The following FARSA variants were observed in gnomAD, a reference collection of about 807,000 sequenced individuals.
FARSA encodes phenylalanyl-tRNA synthetase subunit alpha, also known as phenylalanine--tRNA ligase alpha subunit.
In FARSA, 37 loss-of-function variants were observed where a neutral mutation model predicts 63.2. The observed-to-expected ratio is 0.59, with a 90% CI of 0.45 to 0.77. The LOEUF (loss-of-function observed/expected upper bound fraction) is 0.77, where lower values mean the gene tolerates loss of function less well. Ranked by LOEUF, FARSA falls within the 30% of genes least tolerant of loss-of-function variation. The pLI is 0.00. For synonymous variants in FARSA, 312 were observed against 285.1 expected, an observed-to-expected ratio of 1.09 and a Z score of -0.95; for missense variants, 618 against 696.6, an observed-to-expected ratio of 0.89 and a Z score of 1.27.
chr19:12,925,911 G>A (rs1232538143), intron 7 of FARSA, among the ~76,000 whole-genome samples: 2 of 151,942 alleles, frequency 1.3e-5, no homozygotes, highest in African/African-American at 4.8e-5. Context: ...GACTTCAAGT[G>A]ATCCGCCTGC....
rs748424179 is a variant in FARSA at position 12,924,556 on chromosome 19, C to G, written c.1196-30G>C. On this transcript the variant is annotated intron_variant, in intron 10 of 12. Coordinates refer to ENST00000314606, the MANE Select transcript of FARSA (RefSeq NM_004461.3). This position sits in a 1 kb window ranked among gnomAD's most constrained non-coding sequence, Gnocchi z 6.4. ...AGGAAGTGGGGGGCGGGCAGGAGAG[C>G]AGGGGTTTGGAGGATAATGCTGGTG... The G allele has an allele frequency of 1.2e-6, 2 of 1,612,984 alleles. No homozygotes were observed. Among genetic ancestry groups the G allele is most frequent in the Admixed American group, 3.3e-5 (2 of 60,002 alleles).
intron 8 of FARSA, 33 bp downstream of exon 8, chr19:12,925,057 C>G (rs948436926): frequency 1.9e-6 from 3 of 1,612,578 alleles, no homozygotes; most frequent in African/African-American, 2.7e-5. Flanking sequence ...CCCCAGCCTC[C>G]TTCCCTTCCA....
chr19:12,926,344 T>C (rs1013595293), intron 7 of FARSA, among the ~76,000 whole-genome samples: 13 of 151,172 alleles, frequency 8.6e-5, no homozygotes, highest in African/African-American at 3.2e-4. Context: ...TGATCTCGGC[T>C]AACTGCCAGC....
chr19:12,930,462 CTT>C lies in FARSA; in HGVS notation c.349_350del (p.Lys117GlufsTer4), dbSNP rs1458826357. On this transcript the variant is annotated frameshift_variant, in exon 3 of 13. Transcript: ENST00000314606. LOFTEE classifies it high-confidence loss of function. ...AMSNKWIRVD[K>X]SAADGPRVFR... Reference sequence around the variant, plus strand: ...ACACCCGGGGCCCGTCAGCCGCACTCTTGTCCACCCGAATCCACTTGTTGGAC... The same window carrying C: ...ACACCCGGGGCCCGTCAGCCGCACTCGTCCACCCGAATCCACTTGTTGGAC... 6.2e-7 allele frequency: 1 copy of C among 1,614,108 alleles called. No homozygotes were observed. The highest frequency in any genetic ancestry group is 8.5e-7 in the Non-Finnish European group (1 of 1,180,034).
At position 12,924,910 on chromosome 19, in the gene FARSA, G is replaced by T; in HGVS notation, c.1020C>A (p.Ala340=). Residue 340 remains alanine, a synonymous_variant, in exon 9 of 13, where the codon GCC becomes GCA. Coordinates refer to ENST00000314606, the MANE Select transcript of FARSA (RefSeq NM_004461.3). This position sits in a 1 kb window ranked among gnomAD's most constrained non-coding sequence, Gnocchi z 6.4. ...CCGCCTGGGCCAACCGCACCTTCTG[G>T]GCAAGGCGGTAGAGCGCACGGGCGC... ...SASARALYRL[A]QKKPFTPVKY... is the part of the protein sequence containing the mutation. 6.2e-7 allele frequency: 1 copy of T among 1,614,248 alleles called. No homozygotes were observed. The highest frequency in any genetic ancestry group is 1.6e-4 in the Middle Eastern group (1 of 6,062).
Position 12,930,638 on chromosome 19 carries a change from C to T in FARSA, c.259G>A (p.Glu87Lys). ...EARVFRSIPP[E>K]GLAQSELMRL... ...ATAAGCTCGCTCTGGGCCAGGCCCT[C>T]TGGGGGAATGCTTCGAAACACACGG... is the stretch of plus-strand genomic sequence containing the variant. The change falls in exon 2 of 13, where the codon GAG becomes AAG. Residue 87 changes from glutamate (E) to lysine (K), a missense_variant. Glu to Lys is a moderately conservative substitution (Grantham distance 56). Transcript: ENST00000314606. 1.2e-6 allele frequency: 2 copies of T among 1,613,130 alleles called. No homozygotes were observed. Among genetic ancestry groups the T allele is most frequent in the Non-Finnish European group, 1.7e-6 (2 of 1,179,360 alleles).
rs1205934156 is a variant in FARSA, at chr19:12,933,362, T to C, written c.147+188A>G. The C allele has an allele frequency of 1.7e-5, 11 of 638,096 alleles. No homozygotes were observed. The South Asian group carries it at 1.9e-4, about 11-fold the overall frequency. 39.5% of individuals were successfully genotyped at this position (638,096 alleles called of 1,614,324 possible). On this transcript the variant is annotated intron_variant, in intron 1 of 12. Coordinates refer to ENST00000314606, the MANE Select transcript of FARSA (RefSeq NM_004461.3). Reference sequence around the variant, plus strand: ...CTGACCGTGCCTCAATAAACGTTTATTGCATGAGGAACATCCGTGCGTCTG... The same window carrying C: ...CTGACCGTGCCTCAATAAACGTTTACTGCATGAGGAACATCCGTGCGTCTG...
chr19:12,924,812 G>C lies in FARSA; in HGVS notation c.1027-5C>G. The C allele has an allele frequency of 6.2e-7, 1 of 1,610,372 alleles. No homozygotes were observed. The highest frequency in any genetic ancestry group is 8.5e-7 in the Non-Finnish European group (1 of 1,177,398). On this transcript the variant is annotated splice_region_variant and splice_polypyrimidine_tract_variant and intron_variant, in intron 9 of 12. Coordinates refer to ENST00000314606, the MANE Select transcript of FARSA (RefSeq NM_004461.3). The surrounding 1 kb of genome is among the most constrained non-coding windows in gnomAD (Gnocchi z 6.4). The stretch of plus-strand genomic sequence containing the variant: ...CTTGACCGGAGTGAAGGGCTTCTAG[G>C]GGTGACAACCGAGCCAGGCCCAGGT...
chr19:12,925,152 G>A lies in FARSA; in HGVS notation c.864C>T (p.Leu288=), dbSNP rs1209397895. ...FLRDPAEALQ[L]PMDYVQRVKR... ...TGACCCGCTGGACATAGTCCATTGGGAGCTGCAGGGCCTCCGCTGGATCTG... is the reference window on the plus strand; with the variant it reads ...TGACCCGCTGGACATAGTCCATTGGAAGCTGCAGGGCCTCCGCTGGATCTG... The change falls in exon 8 of 13, where the codon CTC becomes CTT. Residue 288 remains leucine, a synonymous_variant. Transcript: ENST00000314606. 33 of 1,600,008 alleles carry A rather than the reference G, an allele frequency of 2.1e-5. No individual in the cohort carries two copies. Among genetic ancestry groups the A allele is most frequent in the Non-Finnish European group, 2.8e-5 (33 of 1,174,222 alleles).
rs1971351479 is a variant in FARSA, at chr19:12,928,418, G to A, written c.765C>T (p.Ser255=). The change falls in exon 7 of 13, where the codon TCC becomes TCT. Residue 255 remains serine, a synonymous_variant. Coordinates refer to ENST00000314606, the MANE Select transcript of FARSA (RefSeq NM_004461.3). Reference sequence around the variant, plus strand: ...GGAAGAGGGCGTCAAAGTTCCAGAAGGAGCTCTCAATGAAGTTATCAGTCG... The same window carrying A: ...GGAAGAGGGCGTCAAAGTTCCAGAAAGAGCTCTCAATGAAGTTATCAGTCG... The part of the protein sequence containing the change: ...EMPTDNFIES[S]FWNFDALFQP... 1 of 1,614,162 alleles carries A rather than the reference G, an allele frequency of 6.2e-7. No individual in the cohort carries two copies. Among genetic ancestry groups the A allele is most frequent in the Non-Finnish European group, 8.5e-7 (1 of 1,180,028 alleles).
Position 12,933,561 on chromosome 19 carries a change from C to T in FARSA, c.136G>A (p.Ala46Thr). The T allele has an allele frequency of 6.5e-7, 1 of 1,545,312 alleles. No individual in the cohort carries two copies. ...AVVGAVKSLQ[A>T]LGEVIEAELR... is the part of the protein sequence containing the mutation. The stretch of plus-strand genomic sequence containing the variant: ...CGGGCCCGGCTCACCTCGCCCAGCG[C>T]CTGAAGGCTCTTCACGGCGCCCACC... The change falls in exon 1 of 13, where the codon GCG becomes ACG. Residue 46 changes from alanine to threonine, a missense_variant. Ala to Thr is a moderately conservative substitution (Grantham distance 58). Coordinates refer to ENST00000314606, the MANE Select transcript of FARSA (RefSeq NM_004461.3).
intron 1 of FARSA, among the ~76,000 whole-genome samples, chr19:12,931,778 G>C (rs1971399108): frequency 2.6e-5 from 4 of 152,140 alleles, no homozygotes; most frequent in African/African-American, 9.7e-5. Context: ...CAAAAACTGA[G>C]GTTCCAGGTC....
Position 12,928,736 on chromosome 19 carries a change from C to A in FARSA, c.596+19G>T, listed in dbSNP as rs1342866963. 6.2e-7 allele frequency: 1 copy of A among 1,614,072 alleles called. No homozygotes were observed. Among genetic ancestry groups the A allele is most frequent in the South Asian group, 1.1e-5 (1 of 91,084 alleles). ...CTGCCCCAGCTCCCACCTGCCCTGACCCTGGGGTTGCCTGCTACCTGGAGA... is the reference window on the plus strand; with the variant it reads ...CTGCCCCAGCTCCCACCTGCCCTGAACCTGGGGTTGCCTGCTACCTGGAGA... On this transcript the variant is annotated intron_variant, in intron 5 of 12. Coordinates refer to ENST00000314606, the MANE Select transcript of FARSA (RefSeq NM_004461.3).
In FARSA at chr19:12,924,824, A is replaced by G. The variant is rs8107173; in HGVS notation, c.1027-17T>C. On this transcript the variant is annotated splice_polypyrimidine_tract_variant and intron_variant, in intron 9 of 12. Coordinates refer to ENST00000314606, the MANE Select transcript of FARSA (RefSeq NM_004461.3). This position sits in a 1 kb window ranked among gnomAD's most constrained non-coding sequence, Gnocchi z 6.4. Reference sequence around the variant, plus strand: ...GAAGGGCTTCTAGGGGTGACAACCGAGCCAGGCCCAGGTATGGGTCAGAAG... The same window carrying G: ...GAAGGGCTTCTAGGGGTGACAACCGGGCCAGGCCCAGGTATGGGTCAGAAG... 0.034 allele frequency: 54,764 copies of G among 1,611,644 alleles called. 1,082 individuals are homozygous for G. The highest frequency in any genetic ancestry group is 0.079 in the African/African-American group (5,937 of 74,998).
At chr19:12,930,934 C>T (rs189293983) in intron 1 of FARSA, among the ~76,000 whole-genome samples, 185 bp from the exon 2 acceptor site, 195 of 152,270 alleles carry the variant, frequency 1.3e-3, no homozygotes, top group African/African-American at 4.6e-3. Flanking sequence ...TCTCCATTTC[C>T]CTTATGTAAC....
At position 12,922,770 on chromosome 19, in the gene FARSA, G is replaced by A; in HGVS notation, c.1505C>T (p.Pro502Leu). 1 of 1,613,948 alleles carries A rather than the reference G, an allele frequency of 6.2e-7. No individual in the cohort carries two copies. Among genetic ancestry groups the A allele is most frequent in the Non-Finnish European group, 8.5e-7 (1 of 1,180,020 alleles). ...ATGTCACGCAGCCTCCTGTGTGGGA[G>A]GGGGCCTCGGCTCGGCATCCAGGCG... The part of the protein sequence containing the change: ...LCRLDAEPRP[P>L]PTQEAA Residue 502 changes from proline (P) to leucine (L), a missense_variant, in exon 13 of 13, where the codon CCT becomes CTT. Physicochemically the swap from Pro to Leu is moderately conservative, Grantham distance 98. Coordinates refer to ENST00000314606, the MANE Select transcript of FARSA (RefSeq NM_004461.3).
chr19:12,923,905 C>T (rs1176075318), intron 12 of FARSA, among the ~76,000 whole-genome samples: 1 of 152,260 alleles, frequency 6.6e-6, no homozygotes, highest in Non-Finnish European at 1.5e-5. Context: ...AGCTACCACG[C>T]CTGGCCTGAT....
At chr19:12,928,023 C>CAAAAAAAAAAAAAAAAAA (rs34586259) in intron 7 of FARSA, among the ~76,000 whole-genome samples, 1 of 73,384 alleles carries the variant, frequency 1.4e-5, no homozygotes, top group Non-Finnish European at 2.5e-5. Context: ...GACCCTGTCT[C>CAAAAAAAAAAAAAAAAAA]AAAAAAAAAA....
chr19:12,925,150 G>T lies in FARSA; in HGVS notation c.866C>A (p.Pro289Gln). 1.3e-6 allele frequency: 2 copies of T among 1,599,734 alleles called. No individual in the cohort carries two copies. The highest frequency in any genetic ancestry group is 4.5e-5 in the East Asian group (2 of 44,076). Residue 289 changes from proline (P) to glutamine (Q), a missense_variant, in exon 8 of 13, where the codon CCA (proline) becomes CAA (glutamine). By Grantham distance (76) the Pro-to-Gln change is moderately conservative. Coordinates refer to ENST00000314606, the MANE Select transcript of FARSA (RefSeq NM_004461.3). ...CTTGACCCGCTGGACATAGTCCATT[G>T]GGAGCTGCAGGGCCTCCGCTGGATC... ...LRDPAEALQL[P>Q]MDYVQRVKRT...
Sources: gnomAD v4.1 joint callset for allele counts (sites outside exome capture counted in the v4.1 genomes callset) on GRCh38, gnomAD v4.1.1 for gene constraint, Gnocchi (gnomAD v3.1) non-coding constraint, MANE v1.5 for transcripts, NCBI Gene and HGNC (gene_info 2026-07-23, HGNC 2026-07-21) for gene names.